NPAS1: variants seen among roughly 807,000 people sequenced by gnomAD.
NPAS1 encodes neuronal PAS domain protein 1.
Under a neutral mutation model 49.2 loss-of-function variants are expected in NPAS1, and 29 were observed. The observed-to-expected ratio is 0.59, with a 90% CI of 0.44 to 0.80. The LOEUF (loss-of-function observed/expected upper bound fraction) is 0.80, where lower values mean the gene tolerates loss of function less well. Among genes scored for constraint, NPAS1 ranks in the 30% least tolerant of loss-of-function variants. The pLI is 0.00. For missense variants in NPAS1, 825 were observed against 835.5 expected (o/e 0.99, Z 0.15); for synonymous variants, 408 against 380.4 (o/e 1.07, Z -0.84).
intron 5 of NPAS1, among the ~76,000 whole-genome samples, chr19:47,034,783 G>C (rs190866215): frequency 1.6e-3 from 246 of 152,154 alleles, no homozygotes; most frequent in African/African-American, 5.1e-3. Context: ...GGCTGAGGCA[G>C]AAGAATCACT....
In NPAS1 at chr19:47,041,051, G is replaced by A; in HGVS notation, c.1143G>A (p.Gln381=). The A allele has an allele frequency of 1.3e-6, 2 of 1,590,206 alleles. No homozygotes were observed. The highest frequency in any genetic ancestry group is 1.7e-6 in the Non-Finnish European group (2 of 1,170,874). ...LQRAGGFVWL[Q]SVATVAGSGK... The stretch of plus-strand genomic sequence containing the variant: ...GTGCCGGGGGCTTCGTGTGGCTGCA[G>A]TCTGTGGCCACAGTGGCTGGGAGCG... Residue 381 remains glutamine, a synonymous_variant, in exon 10 of 12, where the codon CAG becomes CAA. Transcript: ENST00000602212.
intron 3 of NPAS1, among the ~76,000 whole-genome samples, chr19:47,030,151 G>A (rs2056896394): frequency 6.6e-6 from 1 of 152,162 alleles, no homozygotes; most frequent in Non-Finnish European, 1.5e-5. Context: ...AGCCGCCTAA[G>A]TAGCTGGGAT....
Position 47,035,823 on chromosome 19 carries a change from T to C in NPAS1, c.523-141T>C, listed in dbSNP as rs183418660. 21 of 836,790 alleles carry C rather than the reference T, an allele frequency of 2.5e-5. No individual in the cohort carries two copies. The East Asian group carries it at 6.0e-4, about 24-fold the overall frequency. The allele number at this position is 836,790 out of a possible 1,614,324, so 51.8% of individuals were successfully genotyped here. ...CCGTTTGAAAGGTAATTGTTTTTTG[T>C]TTTTTTCTTTTCTTAAAAAAACACA... On this transcript the variant is annotated intron_variant, in intron 5 of 11. Coordinates refer to ENST00000602212, the MANE Select transcript of NPAS1 (RefSeq NM_002517.4).
rs745719411 is a variant in NPAS1 at position 47,042,916 on chromosome 19, C to A, written c.1312+12C>A. 6.4e-7 allele frequency: 1 copy of A among 1,566,474 alleles called. No individual in the cohort carries two copies. ...GCCAGAGCCCACAGGTGAGCCCCAC[C>A]TCCCACCTTGGCCCCTGGGAAGCTC... On this transcript the variant is annotated intron_variant, in intron 11 of 11. Coordinates refer to ENST00000602212, the MANE Select transcript of NPAS1 (RefSeq NM_002517.4).
intron 5 of NPAS1, 115 bp from the exon 6 acceptor site, chr19:47,035,849 C>G: frequency 9.6e-7 from 1 of 1,046,202 alleles, no homozygotes. Context: ...AAAAAACACA[C>G]TGGCATGAAG....
intron 5 of NPAS1, among the ~76,000 whole-genome samples, chr19:47,033,343 C>T (rs1219868020): frequency 2.6e-5 from 4 of 151,746 alleles, no homozygotes; most frequent in Admixed American, 6.6e-5. Context: ...TGGGTTCAAG[C>T]GATTCTCCTG....
chr19:47,034,706 G>T (rs2056934544), intron 5 of NPAS1, among the ~76,000 whole-genome samples: 1 of 151,866 alleles, frequency 6.6e-6, no homozygotes. Context: ...GCGAAACCCA[G>T]TCTCTACTAA....
Position 47,041,030 on chromosome 19 carries a change from C to CG in NPAS1, c.1127dup (p.Phe377LeufsTer51), listed in dbSNP as rs2057015576. 5 of 1,569,306 alleles carry CG rather than the reference C, an allele frequency of 3.2e-6. No homozygotes were observed. The highest frequency in any genetic ancestry group is 4.3e-6 in the Non-Finnish European group (5 of 1,160,258). ...GTTACTACCGTTGGCTGCAGCGTGC[C>CG]GGGGGCTTCGTGTGGCTGCAGTCTG... On this transcript the variant is annotated frameshift_variant, in exon 10 of 12. Transcript: ENST00000602212. LOFTEE classifies it high-confidence loss of function.
intron 5 of NPAS1, 84 bp downstream of exon 5, chr19:47,032,816 T>C: frequency 1.0e-6 from 1 of 998,564 alleles, no homozygotes; most frequent in East Asian, 2.4e-5. Context: ...TCTCCTGGTC[T>C]CACCATAGCA....
chr19:47,031,523 TTTTC>T (rs1375078972), intron 3 of NPAS1, among the ~76,000 whole-genome samples: 1 of 5,892 alleles, frequency 1.7e-4, no homozygotes, highest in Non-Finnish European at 4.1e-4. Context: ...TTTCTCTCTT[TTTTC>T]TTTCTTTCTT....
chr19:47,041,497 G>T (rs574200577), intron 10 of NPAS1, among the ~76,000 whole-genome samples: 3 of 152,120 alleles, frequency 2.0e-5, no homozygotes, highest in Non-Finnish European at 2.9e-5. Flanking sequence ...GCAGGGAGGG[G>T]TGTTCCAAGC....
intron 7 of NPAS1, 75 bp from the exon 8 acceptor site, chr19:47,039,332 A>C (rs1599916828): frequency 1.3e-6 from 2 of 1,585,138 alleles, no homozygotes; most frequent in Middle Eastern, 2.3e-4. Flanking sequence ...GACAGAGGGA[A>C]CCCAGCCCAG....
intron 5 of NPAS1, among the ~76,000 whole-genome samples, chr19:47,033,021 C>T (rs574765045): frequency 6.6e-6 from 1 of 152,296 alleles, no homozygotes; most frequent in South Asian, 2.1e-4. Flanking sequence ...CTCAGTGCAA[C>T]CTCCACCTCC....
chr19:47,033,797 CA>C (rs2056924989), intron 5 of NPAS1, among the ~76,000 whole-genome samples: 3 of 149,132 alleles, frequency 2.0e-5, no homozygotes, highest in South Asian at 2.2e-4. Context: ...CCACCACCCC[CA>C]CCCCCACCAT....
At chr19:47,042,443 G>A (rs551693550) in intron 10 of NPAS1, among the ~76,000 whole-genome samples, 1 of 152,324 alleles carries the variant, frequency 6.6e-6, no homozygotes, top group Admixed American at 6.5e-5. Flanking sequence ...GGGGAGGAGG[G>A]GAGGAGACCA....
intron 3 of NPAS1, among the ~76,000 whole-genome samples, chr19:47,022,346 A>G (rs971097537): frequency 1.3e-5 from 2 of 152,212 alleles, no homozygotes; most frequent in African/African-American, 4.8e-5. Flanking sequence ...GGGGAACTTC[A>G]GGAAGATGCC....
In NPAS1 at chr19:47,045,448, C is replaced by T. The variant is rs575198687; in HGVS notation, c.1570C>T (p.Leu524=). Residue 524 remains leucine (L), a synonymous_variant, in exon 12 of 12, where the codon CTG becomes TTG. Transcript: ENST00000602212. ...APPGDPPPTL[L]HAGFLPPVVR... The stretch of plus-strand genomic sequence containing the variant: ...TCCCGGGGACCCCCCGCCCACCCTC[C>T]TGCACGCGGGCTTCCTGCCGCCGGT... 7.5e-6 allele frequency: 12 copies of T among 1,597,716 alleles called. No homozygotes were observed. The South Asian group carries it at 1.2e-4, about 16-fold the overall frequency.
At chr19:47,023,467 C>T (rs1400251292) in intron 3 of NPAS1, among the ~76,000 whole-genome samples, 5 of 152,062 alleles carry the variant, frequency 3.3e-5, no homozygotes, top group South Asian at 2.1e-4. Context: ...CTTGGTACTG[C>T]GTGGACTCCT....
chr19:47,021,056 C>T lies in NPAS1; in HGVS notation c.9C>T (p.Ala3=), dbSNP rs2056836417. 2 of 1,605,758 alleles carry T rather than the reference C, an allele frequency of 1.2e-6. No individual in the cohort carries two copies. Among genetic ancestry groups the T allele is most frequent in the Admixed American group, 1.7e-5 (1 of 59,426 alleles). Residue 3 remains alanine, a synonymous_variant, in exon 2 of 12, where the codon GCC becomes GCT. Transcript: ENST00000602212. This position sits in a 1 kb window ranked among gnomAD's most constrained non-coding sequence, Gnocchi z 5.7. MA[A]PYPGSGGGSE... is the part of the protein sequence containing the mutation. ...GAGCGAGCCCCCCGGAGATGGCGGC[C>T]CCCTATCCCGGCAGTGGCGGCGGAA...
Sources: gnomAD v4.1 joint callset for allele counts (sites outside exome capture counted in the v4.1 genomes callset) on GRCh38, gnomAD v4.1.1 for gene constraint, Gnocchi (gnomAD v3.1) non-coding constraint, MANE v1.5 for transcripts, NCBI Gene and HGNC (gene_info 2026-07-23, HGNC 2026-07-21) for gene names.